FREM3: variants seen among roughly 807,000 people sequenced by gnomAD.
FREM3 encodes FRAS1-related extracellular matrix protein 3.
Under a neutral mutation model 129.1 loss-of-function variants are expected in FREM3, and 105 were observed. That is an observed-to-expected ratio of 0.81 (90% confidence interval 0.69 to 0.96). The LOEUF (loss-of-function observed/expected upper bound fraction) is 0.96. Among genes scored for constraint, FREM3 ranks in the 40% least tolerant of loss-of-function variants. The pLI, the probability that FREM3 is intolerant of heterozygous loss-of-function variation, is 0.00. For synonymous variants in FREM3, 1,014 were observed against 1,044.9 expected, an observed-to-expected ratio of 0.97 and a Z score of 0.57; for missense variants, 2,593 against 2,666.3, an observed-to-expected ratio of 0.97 and a Z score of 0.61.
chr4:143,597,301 A>G (rs1280258969), intron 6 of FREM3, among the ~76,000 whole-genome samples: 1 of 152,242 alleles, frequency 6.6e-6, no homozygotes, highest in Non-Finnish European at 1.5e-5. Context: ...GTAAGCCAAC[A>G]GTGGACGTCA....
chr4:143,665,805 A>G (rs1490577772), intron 2 of FREM3, among the ~76,000 whole-genome samples: 4 of 152,166 alleles, frequency 2.6e-5, no homozygotes, highest in African/African-American at 9.6e-5. Flanking sequence ...TTCAAGAACT[A>G]TCTGGATTTC....
At position 143,700,298 on chromosome 4, in the gene FREM3, G is replaced by A; in HGVS notation, c.378C>T (p.Tyr126=). Residue 126 remains tyrosine, a synonymous_variant, in exon 1 of 8, where the codon TAC becomes TAT. Transcript: ENST00000329798. ...PCTFGPRQVQ[Y]THFGSHSPGR... ...CGGGGCTGTGGGAGCCGAAGTGAGT[G>A]TACTGGACTTGGCGGGGCCCGAAGG... 1 of 1,535,906 alleles carries A rather than the reference G, an allele frequency of 6.5e-7. No homozygotes were observed. The highest frequency in any genetic ancestry group is 8.7e-7 in the Non-Finnish European group (1 of 1,146,416).
intron 6 of FREM3, among the ~76,000 whole-genome samples, chr4:143,586,967 T>C (rs1738253938): frequency 6.6e-6 from 1 of 152,164 alleles, no homozygotes; most frequent in Non-Finnish European, 1.5e-5. Context: ...TGCAAATATA[T>C]TGCAATGCAC....
At chr4:143,681,571 T>C (rs1354279924) in intron 2 of FREM3, among the ~76,000 whole-genome samples, 1 of 152,170 alleles carries the variant, frequency 6.6e-6, no homozygotes, top group Admixed American at 6.5e-5. Context: ...AAAAGTAGAC[T>C]GATCTCTTAT....
chr4:143,580,216 T>C (rs767862426), intron 7 of FREM3, among the ~76,000 whole-genome samples: 2 of 151,962 alleles, frequency 1.3e-5, no homozygotes, highest in Non-Finnish European at 2.9e-5. Context: ...TCAGCTGGAT[T>C]TTCTAGGTGG....
At chr4:143,626,378 GTAGA>G (rs1739037721) in intron 3 of FREM3, among the ~76,000 whole-genome samples, 1 of 152,188 alleles carries the variant, frequency 6.6e-6, no homozygotes, top group African/African-American at 2.4e-5. Flanking sequence ...AGCAGTGCAT[GTAGA>G]TAGAGTATGG....
chr4:143,612,237 C>CCAT (rs1738770969), intron 5 of FREM3, among the ~76,000 whole-genome samples: 1 of 152,208 alleles, frequency 6.6e-6, no homozygotes, highest in East Asian at 1.9e-4. Context: ...TTCTTGCAAT[C>CCAT]CATCTCCTTC....
chr4:143,611,309 T>C lies in FREM3; in HGVS notation c.5998A>G (p.Lys2000Glu). ...TAACGATCAGCCAGAATAGTCACCT[T>C]AGTGGTGGGGAATCTGGCTCCCAGC... ...GQLGARFPTT[K>E]VTILADRYDE... Residue 2000 changes from lysine (K) to glutamate (E), a missense_variant, in exon 6 of 8, where the codon AAG (lysine) becomes GAG (glutamate). Coordinates refer to ENST00000329798, the MANE Select transcript of FREM3 (RefSeq NM_001168235.2). The C allele has an allele frequency of 6.5e-7, 1 of 1,537,040 alleles. No homozygotes were observed. The highest frequency in any genetic ancestry group is 2.4e-5 in the East Asian group (1 of 40,902).
Position 143,627,720 on chromosome 4 carries a change from C to G in FREM3, c.5316G>C (p.Trp1772Cys), listed in dbSNP as rs1019630312. The change falls in exon 3 of 8, where the codon TGG becomes TGC. Residue 1772 changes from tryptophan (W) to cysteine (C), a missense_variant. By Grantham distance (215) the Trp-to-Cys change is radical. Around this residue, in one of 2 missense-constraint regions of FREM3, gnomAD observed 2,276 missense variants for 2,267.2 expected, o/e 1.00. Coordinates refer to ENST00000329798, the MANE Select transcript of FREM3 (RefSeq NM_001168235.2). ...KLTNQPFHLN[W>C]AWICLEKEYY... is the part of the protein sequence containing the mutation. Reference sequence around the variant, plus strand: ...ACTCTTTCTCCAAACAAATCCAAGCCCAGTTTAGATGGAAAGGCTGATTTG... The same window carrying G: ...ACTCTTTCTCCAAACAAATCCAAGCGCAGTTTAGATGGAAAGGCTGATTTG... 6.5e-7 allele frequency: 1 copy of G among 1,535,362 alleles called. No individual in the cohort carries two copies. Among genetic ancestry groups the G allele is most frequent in the Admixed American group, 2.0e-5 (1 of 50,922 alleles).
chr4:143,580,775 C>T (rs1378879052), intron 7 of FREM3, among the ~76,000 whole-genome samples: 1 of 152,214 alleles, frequency 6.6e-6, no homozygotes, highest in East Asian at 1.9e-4. Flanking sequence ...TGCTGGTCTG[C>T]AGCTCTTGCC....
intron 2 of FREM3, among the ~76,000 whole-genome samples, chr4:143,669,434 G>A (rs1259541536): frequency 2.6e-5 from 4 of 152,150 alleles, no homozygotes; most frequent in Non-Finnish European, 5.9e-5. Flanking sequence ...GAACCGCCAC[G>A]CCTGGCTATT....
At chr4:143,641,989 A>G (rs1034261613) in intron 2 of FREM3, among the ~76,000 whole-genome samples, 3 of 152,046 alleles carry the variant, frequency 2.0e-5, no homozygotes, top group African/African-American at 7.2e-5. Context: ...ATAATCATAG[A>G]TGAATCATGT....
In FREM3 at chr4:143,611,420, T is replaced by A; in HGVS notation, c.5887A>T (p.Thr1963Ser). 6.5e-7 allele frequency: 1 copy of A among 1,537,180 alleles called. No individual in the cohort carries two copies. The highest frequency in any genetic ancestry group is 8.7e-7 in the Non-Finnish European group (1 of 1,146,846). The change falls in exon 6 of 8, where the codon ACC (threonine) becomes TCC (serine). Residue 1963 changes from threonine (T) to serine (S), a missense_variant. Physicochemically the swap from Thr to Ser is moderately conservative, Grantham distance 58. Transcript: ENST00000329798. The stretch of plus-strand genomic sequence containing the variant: ...TCATCAATGATCAGGACCTGGCAGG[T>A]CTTCTGTGTCTCATTCTTGTCAAAG... ...LHFDKNETQK[T>S]CQVLIIDDSL... is the part of the protein sequence containing the mutation.
At chr4:143,601,892 A>G (rs1246572359) in intron 6 of FREM3, 2 of 152,114 alleles carry the variant, frequency 1.3e-5, no homozygotes, top group African/African-American at 2.4e-5. Context: ...GGGATATTCA[A>G]TCTCTGCTTA....
chr4:143,658,557 T>A (rs1739640534), intron 2 of FREM3, among the ~76,000 whole-genome samples: 1 of 152,202 alleles, frequency 6.6e-6, no homozygotes, highest in Non-Finnish European at 1.5e-5. Flanking sequence ...GTCTAAACCT[T>A]TCCTGTTTCC....
At chr4:143,615,042 C>G (rs1279085367) in intron 5 of FREM3, among the ~76,000 whole-genome samples, 1 of 152,200 alleles carries the variant, frequency 6.6e-6, no homozygotes, top group African/African-American at 2.4e-5. Flanking sequence ...GGCTCAGTCT[C>G]TGTGGCTACA....
At chr4:143,673,982 C>T (rs937174540) in intron 2 of FREM3, among the ~76,000 whole-genome samples, 2 of 152,214 alleles carry the variant, frequency 1.3e-5, no homozygotes, top group Non-Finnish European at 2.9e-5. Flanking sequence ...TTTCCAGGTG[C>T]CCTCTGTCAC....
chr4:143,646,416 C>A (rs1739416662), intron 2 of FREM3, among the ~76,000 whole-genome samples: 1 of 151,898 alleles, frequency 6.6e-6, no homozygotes, highest in Non-Finnish European at 1.5e-5. Flanking sequence ...GGTTCTGTGT[C>A]CCCACCCAAT....
chr4:143,641,249 CCAA>C (rs1739316971), intron 2 of FREM3, among the ~76,000 whole-genome samples: 1 of 152,036 alleles, frequency 6.6e-6, no homozygotes, highest in Non-Finnish European at 1.5e-5. Flanking sequence ...TAAGATGACT[CCAA>C]CAACAATTTG....
Sources: allele counts gnomAD v4.1 joint callset (sites outside exome capture counted in the v4.1 genomes callset), GRCh38; gene constraint gnomAD v4.1.1; regional missense constraint gnomAD v4.1.1; transcripts MANE v1.5; gene names NCBI Gene and HGNC (gene_info 2026-07-23, HGNC 2026-07-21).